DMC1: variants seen among roughly 807,000 people sequenced by gnomAD.
The protein encoded by DMC1 is DNA meiotic recombinase 1.
Under a neutral mutation model 50.1 loss-of-function variants are expected in DMC1, and 27 were observed. The observed-to-expected ratio is 0.54, with a 90% CI of 0.40 to 0.74. DMC1 has a LOEUF of 0.74. Ranked by LOEUF, DMC1 falls within the 30% of genes least tolerant of loss-of-function variation. DMC1 has a pLI of 0.00. For missense variants in DMC1, 295 were observed against 420.2 expected, an observed-to-expected ratio of 0.70 and a Z score of 2.60; for synonymous variants, 148 against 136.1, an observed-to-expected ratio of 1.09 and a Z score of -0.61.
chr22:38,550,173 T>G (rs2090387959), intron 7 of DMC1, among the ~76,000 whole-genome samples, 176 bp from the exon 8 acceptor site: 1 of 152,208 alleles, frequency 6.6e-6, no homozygotes, highest in Non-Finnish European at 1.5e-5. Context: ...AGTGTGAAAT[T>G]ATAAGTATTC....
intron 12 of DMC1, among the ~76,000 whole-genome samples, chr22:38,536,572 C>T (rs1448460753): frequency 1.3e-5 from 2 of 152,084 alleles, no homozygotes; most frequent in African/African-American, 2.4e-5. Context: ...TCCCATAGTG[C>T]CTCTGATAAA....
At chr22:38,543,526 G>A (rs2145892551) in intron 8 of DMC1, among the ~76,000 whole-genome samples, 1 of 152,268 alleles carries the variant, frequency 6.6e-6, no homozygotes, top group East Asian at 1.9e-4. Flanking sequence ...ATAGTGCCCA[G>A]CTGCCTGTAA....
chr22:38,509,270 G>GTAT, the DMC1 span, among the ~76,000 whole-genome samples: 1 of 151,984 alleles, frequency 6.6e-6, no homozygotes, highest in African/African-American at 2.4e-5. Flanking sequence ...CCTTGCCTCG[G>GTAT]TATTAGGCCC....
chr22:38,509,269 G>A, the DMC1 span, among the ~76,000 whole-genome samples: 3 of 152,046 alleles, frequency 2.0e-5, no homozygotes, highest in South Asian at 4.2e-4. Flanking sequence ...CCCTTGCCTC[G>A]GTATTAGGCC....
intron 6 of DMC1, 43 bp from the exon 7 acceptor site, chr22:38,552,750 C>A: frequency 7.6e-7 from 1 of 1,314,754 alleles, no homozygotes; most frequent in South Asian, 1.2e-5. Context: ...TGCATAATTT[C>A]CAGATATTTT....
rs375669819 is a variant in DMC1, at chr22:38,532,279, C to G, written c.836+5313G>C. Among the ~76,000 whole-genome samples the G allele has an allele frequency of 1.4e-4, 21 of 151,746 alleles. No homozygotes were observed. The East Asian group carries it at 4.1e-3, about 29-fold the overall frequency. ...ATAGACAATGTGTGACTTACCAAGA[C>G]TAAAATTTTGAGTTGAATGGACATC... On this transcript the variant is annotated intron_variant, in intron 12 of 13. Transcript: ENST00000216024.
chr22:38,540,328 G>A (rs2090266680), intron 8 of DMC1, among the ~76,000 whole-genome samples: 1 of 152,178 alleles, frequency 6.6e-6, no homozygotes, highest in South Asian at 2.1e-4. Context: ...TTACAGGCAT[G>A]AGCCACCATG....
intron 8 of DMC1, among the ~76,000 whole-genome samples, chr22:38,544,024 C>T (rs993216217): frequency 2.6e-5 from 4 of 152,204 alleles, no homozygotes; most frequent in Non-Finnish European, 4.4e-5. Context: ...ATTGCTCCAT[C>T]AGTGAGTCAC....
Position 38,570,120 on chromosome 22 carries a change from A to T in DMC1, c.-111T>A, listed in dbSNP as rs1015506274. The T allele has an allele frequency of 6.6e-6, 1 of 151,750 alleles. No individual in the cohort carries two copies. The highest frequency in any genetic ancestry group is 2.4e-5 in the African/African-American group (1 of 41,236). The allele number at this position is 151,750 out of a possible 1,614,324, so 9.4% of individuals were successfully genotyped here. A position where few individuals can be genotyped will look rare whatever the true frequency, so the allele number is the denominator to read the frequency against. ...CCGCCCGACCTCCTCAGCTGACAGG[A>T]TTCTAACTCGGGCCTAGAACACGGA... On this transcript the variant is annotated 5_prime_UTR_variant, in exon 1 of 14. Transcript: ENST00000216024.
chr22:38,547,068 A>AT (rs550481776), intron 8 of DMC1, among the ~76,000 whole-genome samples: 1 of 152,104 alleles, frequency 6.6e-6, no homozygotes, highest in Non-Finnish European at 1.5e-5. Context: ...ATGTTTTTAG[A>AT]TTTTTTTTCT....
intron 12 of DMC1, among the ~76,000 whole-genome samples, chr22:38,536,018 C>T (rs188650447): frequency 6.6e-5 from 10 of 150,998 alleles, no homozygotes; most frequent in Non-Finnish European, 1.3e-4. Flanking sequence ...GCCAGGAGTT[C>T]GAGACCAGCC....
intron 2 of DMC1, among the ~76,000 whole-genome samples, chr22:38,567,995 C>A (rs1294375427): frequency 6.6e-6 from 1 of 152,174 alleles, no homozygotes; most frequent in Non-Finnish European, 1.5e-5. Context: ...CCAGTATGGC[C>A]ATACCAGCTG....
At chr22:38,526,331 A>T (rs899111945) in intron 12 of DMC1, among the ~76,000 whole-genome samples, 21 of 152,016 alleles carry the variant, frequency 1.4e-4, no homozygotes, top group Admixed American at 1.2e-3. Context: ...TAGCTTCCTG[A>T]GTAGCTAGTA....
the DMC1 span, among the ~76,000 whole-genome samples, chr22:38,513,225 C>G: frequency 6.6e-6 from 1 of 152,176 alleles, no homozygotes; most frequent in Non-Finnish European, 1.5e-5. Flanking sequence ...CTGGTCAGGC[C>G]TCTGCCACTG....
intron 4 of DMC1, among the ~76,000 whole-genome samples, chr22:38,562,792 TATATACAC>T (rs1267622285): frequency 6.6e-6 from 1 of 151,900 alleles, no homozygotes; most frequent in Non-Finnish European, 1.5e-5. Flanking sequence ...TACATATACA[TATATACAC>T]ATATACATAT....
chr22:38,529,151 C>T (rs1365846492), intron 12 of DMC1, among the ~76,000 whole-genome samples: 1 of 152,130 alleles, frequency 6.6e-6, no homozygotes, highest in Non-Finnish European at 1.5e-5. Flanking sequence ...GCTGGGACTA[C>T]AGGCGTGTGC....
chr22:38,509,549 T>C, the DMC1 span, among the ~76,000 whole-genome samples: 1 of 152,226 alleles, frequency 6.6e-6, no homozygotes, highest in African/African-American at 2.4e-5. Flanking sequence ...CTTGTGATGG[T>C]AAACCATCAA....
chr22:38,560,905 T>C (rs2090520547), intron 5 of DMC1, among the ~76,000 whole-genome samples: 1 of 152,150 alleles, frequency 6.6e-6, no homozygotes, highest in Non-Finnish European at 1.5e-5. Flanking sequence ...CATTTCATTA[T>C]AAATATTTCA....
rs535702131 is a variant in DMC1 at position 38,543,253 on chromosome 22, G to A, written c.495-3841C>T. Among the ~76,000 whole-genome samples the A allele has an allele frequency of 1.5e-4, 22 of 146,174 alleles. No homozygotes were observed. In the East Asian group the frequency reaches 1.6e-3, roughly 11 times the overall value. On this transcript the variant is annotated intron_variant, in intron 8 of 13. Coordinates refer to ENST00000216024, the MANE Select transcript of DMC1 (RefSeq NM_007068.4). ...TTGTTTTTTTTTTTTTTTTTGAGAC[G>A]GAGTCTCGCTCTGTCACCCAGGCTG...
Sources: gnomAD v4.1 joint callset for allele counts (sites outside exome capture counted in the v4.1 genomes callset) on GRCh38, gnomAD v4.1.1 for gene constraint, MANE v1.5 for transcripts, NCBI Gene and HGNC (gene_info 2026-07-23, HGNC 2026-07-21) for gene names.